The following HSD11B1 variants were observed in gnomAD, a reference collection of about 807,000 sequenced individuals.
HSD11B1 encodes hydroxysteroid 11-beta dehydrogenase 1.
HSD11B1 carries 15 observed loss-of-function variants against 22.1 expected under a neutral mutation model. The ratio of observed to expected loss-of-function variants is 0.68; its 90% CI spans 0.45 to 1.04. HSD11B1 has a LOEUF of 1.04. HSD11B1 is among the 50% of genes least tolerant of loss of function. HSD11B1 has a pLI of 0.00. For synonymous variants in HSD11B1, 122 were observed against 125.2 expected (o/e 0.97, Z 0.17); for missense variants, 281 against 357.6 (o/e 0.79, Z 1.73).
At chr1:209,692,835 T>C (rs1190024342) in intron 1 of HSD11B1, among the ~76,000 whole-genome samples, 2 of 152,134 alleles carry the variant, frequency 1.3e-5, no homozygotes, top group Non-Finnish European at 2.9e-5. Context: ...GATCTGCCCT[T>C]AGTTCCCCCA....
chr1:209,728,998 T>C (rs1466561188), intron 4 of HSD11B1, among the ~76,000 whole-genome samples: 1 of 152,192 alleles, frequency 6.6e-6, no homozygotes, highest in African/African-American at 2.4e-5. Context: ...GAAGTGAGGA[T>C]AACTATCAAT....
intron 4 of HSD11B1, among the ~76,000 whole-genome samples, chr1:209,717,051 G>C (rs2076934678): frequency 6.6e-6 from 1 of 152,076 alleles, no homozygotes; most frequent in Non-Finnish European, 1.5e-5. Flanking sequence ...AATAGACAAA[G>C]AGGACTATAT....
At chr1:209,696,924 G>T (rs755697401) in intron 1 of HSD11B1, among the ~76,000 whole-genome samples, 3 of 152,250 alleles carry the variant, frequency 2.0e-5, no homozygotes, top group Non-Finnish European at 4.4e-5. Flanking sequence ...GATGGAGGGT[G>T]TGAAGCTGGA....
chr1:209,732,597 TG>T lies in HSD11B1; in HGVS notation c.661+19del, dbSNP rs1468792932. On this transcript the variant is annotated intron_variant, in intron 5 of 5. Coordinates refer to ENST00000367027, the MANE Select transcript of HSD11B1 (RefSeq NM_005525.4). Reference sequence around the variant, plus strand: ...AGACACAGGTAAGGTCAATACTTTGTGTTTTTTTTTAATTATTATACTTTAA... The same window carrying T: ...AGACACAGGTAAGGTCAATACTTTGTTTTTTTTTTAATTATTATACTTTAA... 4 of 1,607,028 alleles carry T rather than the reference TG, an allele frequency of 2.5e-6. No individual in the cohort carries two copies. The Admixed American group carries it at 6.7e-5, about 27-fold the overall frequency.
At chr1:209,698,217 A>AGATG (rs1558187478) in intron 1 of HSD11B1, among the ~76,000 whole-genome samples, 1 of 150,190 alleles carries the variant, frequency 6.7e-6, no homozygotes, top group African/African-American at 2.4e-5. Context: ...ATAGATAGAT[A>AGATG]GGAAGGACAG....
At chr1:209,696,188 G>A (rs1401606791) in intron 1 of HSD11B1, among the ~76,000 whole-genome samples, 2 of 152,214 alleles carry the variant, frequency 1.3e-5, no homozygotes, top group African/African-American at 4.8e-5. Flanking sequence ...GGTTGCCTGG[G>A]GCTGGGGGTG....
At position 209,704,998 on chromosome 1, in the gene HSD11B1, A is replaced by T. The variant is rs372523862; in HGVS notation, c.56A>T (p.Tyr19Phe). 2 of 1,613,832 alleles carry T rather than the reference A, an allele frequency of 1.2e-6. No homozygotes were observed. Among genetic ancestry groups the T allele is most frequent in the Non-Finnish European group, 1.7e-6 (2 of 1,179,776 alleles). The part of the protein sequence containing the change: ...LPILGLFMAY[Y>F]YYSANEEFRP... ...ATTCTGGGGCTCTTCATGGCCTACT[A>T]CTACTATTCTGCAAACGAGGAATTC... The change falls in exon 1 of 6, where the codon TAC (tyrosine) becomes TTC (phenylalanine). Residue 19 changes from tyrosine to phenylalanine, a missense_variant. Physicochemically the swap from Tyr to Phe is conservative, Grantham distance 22 (BLOSUM62 3). Coordinates refer to ENST00000367027, the MANE Select transcript of HSD11B1 (RefSeq NM_005525.4).
intron 1 of HSD11B1, among the ~76,000 whole-genome samples, chr1:209,687,521 GAACA>G (rs1209285506): frequency 6.6e-6 from 1 of 152,216 alleles, no homozygotes; most frequent in Non-Finnish European, 1.5e-5. Flanking sequence ...TTCTGAGCTA[GAACA>G]AATATTAAAG....
intron 4 of HSD11B1, among the ~76,000 whole-genome samples, chr1:209,729,298 G>T (rs2077021448): frequency 6.6e-6 from 1 of 151,838 alleles, no homozygotes; most frequent in Non-Finnish European, 1.5e-5. Flanking sequence ...GGCAAAAGTT[G>T]CAGTGAGCCG....
chr1:209,713,800 T>G (rs530954935), intron 4 of HSD11B1, among the ~76,000 whole-genome samples: 1 of 152,364 alleles, frequency 6.6e-6, no homozygotes, highest in African/African-American at 2.4e-5. Context: ...AAAGTGTGTA[T>G]GTGTTCAATA....
intron 1 of HSD11B1, among the ~76,000 whole-genome samples, chr1:209,692,102 A>G (rs1161438347): frequency 6.6e-6 from 1 of 151,926 alleles, no homozygotes; most frequent in Non-Finnish European, 1.5e-5. Context: ...GAAATGGCTC[A>G]GTTATAACAC....
chr1:209,725,582 T>C (rs1351523127), intron 4 of HSD11B1, among the ~76,000 whole-genome samples: 5 of 152,234 alleles, frequency 3.3e-5, no homozygotes, highest in East Asian at 1.9e-4. Context: ...CCAGCTGTCA[T>C]TGTGGGACTT....
At chr1:209,721,397 C>T (rs2076965521) in intron 4 of HSD11B1, among the ~76,000 whole-genome samples, 1 of 140,630 alleles carries the variant, frequency 7.1e-6, no homozygotes, top group Non-Finnish European at 1.5e-5. Context: ...TCAAATGGCT[C>T]AGCAGAAAAA....
intron 4 of HSD11B1, among the ~76,000 whole-genome samples, chr1:209,722,391 A>C (rs2076972111): frequency 6.6e-6 from 1 of 152,094 alleles, no homozygotes; most frequent in African/African-American, 2.4e-5. Flanking sequence ...TCAGTCTCTT[A>C]GGTTTCTTGG....
chr1:209,728,311 A>T (rs2077015666), intron 4 of HSD11B1, among the ~76,000 whole-genome samples: 1 of 152,134 alleles, frequency 6.6e-6, no homozygotes, highest in Non-Finnish European at 1.5e-5. Flanking sequence ...TCCCAACATG[A>T]TTTTTTGAAT....
intron 1 of HSD11B1, among the ~76,000 whole-genome samples, chr1:209,695,721 C>T (rs1026240818): frequency 2.0e-5 from 3 of 152,134 alleles, no homozygotes; most frequent in Non-Finnish European, 4.4e-5. Flanking sequence ...GCAGGAGAAT[C>T]GCTTGAACCT....
chr1:209,686,748 C>T (rs941390737), intron 1 of HSD11B1, among the ~76,000 whole-genome samples: 11 of 152,302 alleles, frequency 7.2e-5, no homozygotes, highest in African/African-American at 2.6e-4. Context: ...CTTAAATGTG[C>T]TGATACCTGC....
chr1:209,708,426 G>A (rs1217954516), intron 4 of HSD11B1, among the ~76,000 whole-genome samples: 1 of 152,198 alleles, frequency 6.6e-6, no homozygotes, highest in East Asian at 1.9e-4. Context: ...CATAGTGATT[G>A]GATAAAGGGG....
In HSD11B1 at chr1:209,706,979, A is replaced by G. The variant is rs756622561; in HGVS notation, c.368A>G (p.Asn123Ser). ...ATGCTCATTCTCAACCACATCACCAACACTTCTTTGAATCTTTTTCATGAT... is the reference window on the plus strand; with the variant it reads ...ATGCTCATTCTCAACCACATCACCAGCACTTCTTTGAATCTTTTTCATGAT... ...LDMLILNHIT[N>S]TSLNLFHDDI... The change falls in exon 4 of 6, where the codon AAC becomes AGC. Residue 123 changes from asparagine to serine, a missense_variant. Transcript: ENST00000367027. The surrounding 1 kb of genome is among the most constrained non-coding windows in gnomAD (Gnocchi z 4.0). The G allele has an allele frequency of 6.2e-7, 1 of 1,614,100 alleles. No homozygotes were observed. The highest frequency in any genetic ancestry group is 8.5e-7 in the Non-Finnish European group (1 of 1,179,972).
Sources: allele counts gnomAD v4.1 joint callset (sites outside exome capture counted in the v4.1 genomes callset), GRCh38; gene constraint gnomAD v4.1.1; non-coding constraint Gnocchi (gnomAD v3.1); transcripts MANE v1.5; gene names NCBI Gene and HGNC (gene_info 2026-07-23, HGNC 2026-07-21).